Variants in LRRTM4 observed in about 807,000 individuals in gnomAD.
LRRTM4 encodes leucine rich repeat transmembrane neuronal 4.
A neutral mutation model predicts 47.6 loss-of-function variants in LRRTM4; 25 were observed. The ratio of observed to expected loss-of-function variants is 0.53; its 90% CI spans 0.38 to 0.73. The LOEUF (loss-of-function observed/expected upper bound fraction) is 0.73. LRRTM4 is among the 30% of genes least tolerant of loss of function. The probability of loss-of-function intolerance (pLI) is 0.00; values close to 1 mark genes in which losing one functional copy is unlikely to be tolerated. For synonymous variants in LRRTM4, 311 were observed against 269.5 expected (o/e 1.15, Z -1.51); for missense variants, 638 against 713.4 (o/e 0.89, Z 1.20).
At chr2:76,934,068 C>G (rs1192435734) in intron 3 of LRRTM4, among the ~76,000 whole-genome samples, 1 of 152,092 alleles carries the variant, frequency 6.6e-6, no homozygotes, top group Non-Finnish European at 1.5e-5. Flanking sequence ...CATCAGTACT[C>G]CAGCTCTCAA....
chr2:76,807,987 T>C (rs2103807325), intron 3 of LRRTM4, among the ~76,000 whole-genome samples: 1 of 151,142 alleles, frequency 6.6e-6, no homozygotes, highest in Non-Finnish European at 1.5e-5. Context: ...CCCTTCTTTC[T>C]TTTCTTTCTG....
chr2:77,272,534 T>G (rs2104074501), intron 3 of LRRTM4, among the ~76,000 whole-genome samples: 1 of 152,236 alleles, frequency 6.6e-6, no homozygotes, highest in South Asian at 2.1e-4. Flanking sequence ...TAAAACAAAG[T>G]GAGCCTTTTA....
intron 3 of LRRTM4, among the ~76,000 whole-genome samples, chr2:77,185,809 C>T (rs568351223): frequency 1.3e-5 from 2 of 152,160 alleles, no homozygotes; most frequent in African/African-American, 2.4e-5. Flanking sequence ...TCAAACAGGC[C>T]TAGTTTGAAT....
chr2:77,381,968 T>A (rs1238823472), intron 3 of LRRTM4, among the ~76,000 whole-genome samples: 2 of 152,090 alleles, frequency 1.3e-5, no homozygotes, highest in Non-Finnish European at 2.9e-5. Context: ...GTTTTTCAAT[T>A]GGGATATTAA....
intron 3 of LRRTM4, among the ~76,000 whole-genome samples, chr2:76,913,066 T>A (rs1337823782): frequency 6.6e-6 from 1 of 152,244 alleles, no homozygotes. Context: ...CATTGTATGA[T>A]TTAATCTTTG....
At chr2:77,083,744 T>C (rs2103862381) in intron 3 of LRRTM4, among the ~76,000 whole-genome samples, 1 of 150,164 alleles carries the variant, frequency 6.7e-6, no homozygotes, top group South Asian at 2.1e-4. Context: ...CTTCCTTTCT[T>C]TCATAGTAAC....
At chr2:76,906,765 G>A (rs1023483483) in intron 3 of LRRTM4, among the ~76,000 whole-genome samples, 1 of 151,074 alleles carries the variant, frequency 6.6e-6, no homozygotes, top group Non-Finnish European at 1.5e-5. Context: ...ATTACATAAT[G>A]GTAAAGGGAT....
chr2:77,118,568 T>C (rs1409006515), intron 3 of LRRTM4, among the ~76,000 whole-genome samples: 1 of 151,890 alleles, frequency 6.6e-6, no homozygotes, highest in Admixed American at 6.6e-5. Context: ...TCTGAGACTA[T>C]TTTGCTAAAG....
chr2:77,100,932 T>G (rs946303032), intron 3 of LRRTM4, among the ~76,000 whole-genome samples: 1 of 148,294 alleles, frequency 6.7e-6, no homozygotes, highest in Non-Finnish European at 1.5e-5. Flanking sequence ...GCTTCCCGAG[T>G]TCAAGCAATT....
intron 3 of LRRTM4, among the ~76,000 whole-genome samples, chr2:77,179,090 GT>G (rs1673278961): frequency 6.6e-6 from 1 of 152,116 alleles, no homozygotes; most frequent in African/African-American, 2.4e-5. Flanking sequence ...AATACAAAAT[GT>G]TTTTAAAACT....
intron 3 of LRRTM4, among the ~76,000 whole-genome samples, chr2:76,874,294 C>T (rs1362020157): frequency 6.6e-6 from 1 of 151,932 alleles, no homozygotes; most frequent in African/African-American, 2.4e-5. Context: ...TCTCCTAGCA[C>T]CTTGCTTTCA....
At chr2:76,953,154 G>GA (rs201943074) in intron 3 of LRRTM4, among the ~76,000 whole-genome samples, 1,301 of 113,594 alleles carry the variant, frequency 0.011, 27 homozygotes, top group African/African-American at 0.049. Context: ...AATAAAATTT[G>GA]AAAAAAAATA....
intron 3 of LRRTM4, among the ~76,000 whole-genome samples, chr2:77,116,146 G>C (rs1418803730): frequency 6.6e-6 from 1 of 151,896 alleles, no homozygotes; most frequent in Non-Finnish European, 1.5e-5. Context: ...CAACGTTTAG[G>C]AGCCTTATAC....
chr2:76,931,366 A>G (rs1674763805), intron 3 of LRRTM4, among the ~76,000 whole-genome samples: 1 of 152,198 alleles, frequency 6.6e-6, no homozygotes, highest in Admixed American at 6.5e-5. Context: ...ATAATAAAAT[A>G]AAGTAAAATA....
intron 3 of LRRTM4, among the ~76,000 whole-genome samples, chr2:76,791,182 C>T (rs1293179647): frequency 6.6e-6 from 1 of 152,092 alleles, no homozygotes; most frequent in Non-Finnish European, 1.5e-5. Context: ...AACCACAGGG[C>T]ATTAGAGCTG....
chr2:77,372,941 C>T (rs12713909), intron 3 of LRRTM4, among the ~76,000 whole-genome samples: 53,536 of 149,504 alleles, frequency 0.36, 9,987 homozygotes, highest in East Asian at 0.56. Flanking sequence ...AACTTAATGA[C>T]TTCTGAATAA....
chr2:77,343,678 G>T (rs915338224), intron 3 of LRRTM4, among the ~76,000 whole-genome samples: 4 of 151,844 alleles, frequency 2.6e-5, no homozygotes, highest in Admixed American at 1.3e-4. Context: ...TTAAGTACTT[G>T]TTTATGAAGC....
chr2:76,851,588 C>T (rs914099459), intron 3 of LRRTM4, among the ~76,000 whole-genome samples: 1 of 151,960 alleles, frequency 6.6e-6, no homozygotes, highest in African/African-American at 2.4e-5. Flanking sequence ...CTCTAGAAGC[C>T]ATCTGCTAGA....
At chr2:77,451,773 G>A (rs1676264361) in intron 3 of LRRTM4, among the ~76,000 whole-genome samples, 1 of 152,078 alleles carries the variant, frequency 6.6e-6, no homozygotes. Flanking sequence ...TGGTGTAGTG[G>A]AACAAAAGGT....
Sources: allele counts gnomAD v4.1 joint callset (sites outside exome capture counted in the v4.1 genomes callset), GRCh38; gene constraint gnomAD v4.1.1; transcripts MANE v1.5; gene names NCBI Gene and HGNC (gene_info 2026-07-23, HGNC 2026-07-21).